The following SHROOM2 variants were observed in gnomAD, a reference collection of about 807,000 sequenced individuals.
SHROOM2 encodes the protein shroom family member 2.
SHROOM2 carries 33 observed loss-of-function variants against 75.9 expected under a neutral mutation model. The observed-to-expected ratio is 0.43, with a 90% CI of 0.33 to 0.58. The LOEUF is 0.58. Among genes scored for constraint, SHROOM2 ranks in the 20% least tolerant of loss-of-function variants. The pLI is 0.04. For synonymous variants in SHROOM2, 655 were observed against 663.6 expected (o/e 0.99, Z 0.20); for missense variants, 1,434 against 1,461.2 (o/e 0.98, Z 0.30).
chrX:9,842,407 C>T lies in SHROOM2; in HGVS notation c.166-31245C>T, dbSNP rs182585713. Among the ~76,000 whole-genome samples, 277 of 112,556 alleles carry T rather than the reference C, an allele frequency of 2.5e-3. 2 individuals are homozygous for T. Among genetic ancestry groups the T allele is most frequent in the African/African-American group, 8.8e-3 (273 of 31,041 alleles). ...AGATCCACATGGGATTCTGACAGAT[C>T]GCTCTGAGACATCCTCCTGTTGTTT... On this transcript the variant is annotated intron_variant, in intron 1 of 9. Coordinates refer to ENST00000380913, the MANE Select transcript of SHROOM2 (RefSeq NM_001649.4).
At chrX:9,850,172 C>T (rs1173483656) in intron 1 of SHROOM2, among the ~76,000 whole-genome samples, 1 of 112,232 alleles carries the variant, frequency 8.9e-6, no homozygotes, top group Non-Finnish European at 1.9e-5. Flanking sequence ...GGATCATTCC[C>T]GTCTGCAGCA....
At chrX:9,789,485 A>G (rs757019) in intron 1 of SHROOM2, among the ~76,000 whole-genome samples, 56,632 of 110,023 alleles carry the variant, frequency 0.51, 11,062 homozygotes, top group Non-Finnish European at 0.61. Context: ...CAGGAATAAC[A>G]TCCATGCTGT....
chrX:9,843,117 A>G (rs982369918), intron 1 of SHROOM2, among the ~76,000 whole-genome samples: 16 of 111,105 alleles, frequency 1.4e-4, no homozygotes, highest in Non-Finnish European at 2.8e-4. Flanking sequence ...ACCATTTTAG[A>G]GGAGTTTTAG....
chrX:9,822,687 G>T (rs1172148592), intron 1 of SHROOM2, among the ~76,000 whole-genome samples: 1 of 112,674 alleles, frequency 8.9e-6, no homozygotes, highest in Non-Finnish European at 1.9e-5. Context: ...TGTGCTCAGT[G>T]CCACGCAGGT....
chrX:9,908,370 T>C (rs1031009529), intron 5 of SHROOM2, among the ~76,000 whole-genome samples: 5 of 112,136 alleles, frequency 4.5e-5, no homozygotes, highest in African/African-American at 1.6e-4. Context: ...AACATAAGGG[T>C]ACTAGGGTGG....
At chrX:9,901,875 T>C (rs59454811) in intron 5 of SHROOM2, among the ~76,000 whole-genome samples, 1 of 111,431 alleles carries the variant, frequency 9.0e-6, no homozygotes, top group East Asian at 2.8e-4. Flanking sequence ...CCTGACATAA[T>C]TCCTGCACAG....
At chrX:9,862,655 G>A (rs750604745) in intron 1 of SHROOM2, among the ~76,000 whole-genome samples, 6 of 112,152 alleles carry the variant, frequency 5.3e-5, no homozygotes, top group Admixed American at 4.7e-4. Flanking sequence ...AGGAAAGCAC[G>A]CTGGAATGAT....
chrX:9,928,334 C>T (rs772772068), intron 5 of SHROOM2, among the ~76,000 whole-genome samples: 2 of 112,420 alleles, frequency 1.8e-5, no homozygotes, highest in African/African-American at 3.2e-5. Flanking sequence ...GGCTGAATAT[C>T]AATTGGATCC....
At chrX:9,930,443 G>A (rs756720804) in intron 5 of SHROOM2, among the ~76,000 whole-genome samples, 1 of 108,073 alleles carries the variant, frequency 9.3e-6, no homozygotes, top group African/African-American at 3.4e-5. Context: ...TGCCAAGGAA[G>A]TGGAGGCTGC....
At position 9,947,712 on chromosome X, in the gene SHROOM2, G is replaced by C. The variant is rs749246861; in HGVS notation, c.*775G>C. On this transcript the variant is annotated 3_prime_UTR_variant, in exon 10 of 10. Coordinates refer to ENST00000380913, the MANE Select transcript of SHROOM2 (RefSeq NM_001649.4). The stretch of plus-strand genomic sequence containing the variant: ...AGTAAAATTTTTTGGTTAAGAGCGT[G>C]TCCAGTAGTAATGTGCTTGTTAGCT... 8.9e-6 allele frequency: 1 copy of C among 112,679 alleles called. No individual in the cohort carries two copies. Among genetic ancestry groups the C allele is most frequent in the Non-Finnish European group, 1.9e-5 (1 of 53,362 alleles). 9.3% of individuals were successfully genotyped at this position (112,679 alleles called of 1,213,427 possible).
chrX:9,860,652 G>A (rs747940473), intron 1 of SHROOM2, among the ~76,000 whole-genome samples: 1 of 111,841 alleles, frequency 8.9e-6, no homozygotes, highest in East Asian at 2.8e-4. Context: ...TTGAACTCCT[G>A]ACCTCAAGTG....
chrX:9,900,091 TTCA>T (rs1569163213), intron 5 of SHROOM2, among the ~76,000 whole-genome samples: 1 of 111,451 alleles, frequency 9.0e-6, no homozygotes, highest in Non-Finnish European at 1.9e-5. Context: ...CCCTGCTTCA[TTCA>T]TCAAGGCCAT....
Position 9,946,664 on chromosome X carries a change from T to A in SHROOM2, c.4585-7T>A. Reference sequence around the variant, plus strand: ...GGTCCTCAACAGGCTTGTTTGTCTGTCAACAGCAATCACTGCTTGAGAAGC... The same window carrying A: ...GGTCCTCAACAGGCTTGTTTGTCTGACAACAGCAATCACTGCTTGAGAAGC... On this transcript the variant is annotated splice_polypyrimidine_tract_variant and splice_region_variant and intron_variant, in intron 9 of 9. Coordinates refer to ENST00000380913, the MANE Select transcript of SHROOM2 (RefSeq NM_001649.4). 1.7e-6 allele frequency: 2 copies of A among 1,202,422 alleles called. No individual in the cohort carries two copies. The highest frequency in any genetic ancestry group is 2.2e-6 in the Non-Finnish European group (2 of 890,328).
chrX:9,886,696 A>G, intron 2 of SHROOM2, among the ~76,000 whole-genome samples: 1 of 109,405 alleles, frequency 9.1e-6, no homozygotes, highest in East Asian at 2.9e-4. Flanking sequence ...ATCATACAGC[A>G]TTTGTCCTTT....
At chrX:9,826,494 G>A (rs1363689552) in intron 1 of SHROOM2, among the ~76,000 whole-genome samples, 1 of 111,257 alleles carries the variant, frequency 9.0e-6, no homozygotes, top group Non-Finnish European at 1.9e-5. Flanking sequence ...AAAAGAGGCT[G>A]GATGTGATGG....
intron 1 of SHROOM2, among the ~76,000 whole-genome samples, chrX:9,839,907 C>T (rs939944879): frequency 5.4e-5 from 6 of 111,895 alleles, no homozygotes; most frequent in Non-Finnish European, 9.4e-5. Context: ...GTTTCCGGTG[C>T]CATCGAGCTC....
chrX:9,937,795 C>A, intron 7 of SHROOM2, 110 bp downstream of exon 7: 1 of 720,618 alleles, frequency 1.4e-6, no homozygotes, highest in Non-Finnish European at 2.0e-6. Context: ...TTGGGGAAGA[C>A]GGGTTTTCAT....
intron 1 of SHROOM2, among the ~76,000 whole-genome samples, chrX:9,807,630 A>G (rs1285936132): frequency 2.7e-5 from 3 of 112,591 alleles, no homozygotes; most frequent in Non-Finnish European, 5.6e-5. Context: ...AGGCCGTAAA[A>G]AAAGCTGTCC....
chrX:9,848,154 T>A (rs181678635), intron 1 of SHROOM2, among the ~76,000 whole-genome samples: 1 of 112,209 alleles, frequency 8.9e-6, no homozygotes, highest in East Asian at 2.8e-4. Context: ...TCGAGGAACC[T>A]GAATTTGTGT....
Sources: gnomAD v4.1 joint callset for allele counts (sites outside exome capture counted in the v4.1 genomes callset) on GRCh38, gnomAD v4.1.1 for gene constraint, MANE v1.5 for transcripts, NCBI Gene and HGNC (gene_info 2026-07-23, HGNC 2026-07-21) for gene names.